LMAN1: variants seen among roughly 807,000 people sequenced by gnomAD.
LMAN1 encodes the protein lectin, mannose binding 1.
Under a neutral mutation model 67.8 loss-of-function variants are expected in LMAN1, and 32 were observed. That is an observed-to-expected ratio of 0.47 (90% CI 0.36 to 0.63). The LOEUF (loss-of-function observed/expected upper bound fraction) is 0.63. LMAN1 is among the 30% of genes least tolerant of loss of function. The pLI, the probability that LMAN1 is intolerant of heterozygous loss-of-function variation, is 0.00. For missense variants in LMAN1, 632 were observed against 628.2 expected (o/e 1.01, Z -0.06); for synonymous variants, 235 against 219.3 (o/e 1.07, Z -0.63).
intron 11 of LMAN1, 26 bp from the exon 12 acceptor site, chr18:59,331,565 C>G (rs199624983): frequency 6.9e-5 from 111 of 1,610,912 alleles, no homozygotes; most frequent in Non-Finnish European, 8.4e-5. Context: ...CTTTCTATTA[C>G]AGTTAGTCAA....
At chr18:59,352,918 T>TCTAC (rs1186438071) in intron 5 of LMAN1, 3 of 363,046 alleles carry the variant, frequency 8.3e-6, no homozygotes, top group Non-Finnish European at 1.6e-5. Context: ...TATCTATCTA[T>TCTAC]CTACCTATCT....
At chr18:59,351,072 A>C (rs751388373) in intron 5 of LMAN1, among the ~76,000 whole-genome samples, 3 of 152,198 alleles carry the variant, frequency 2.0e-5, no homozygotes, top group Non-Finnish European at 2.9e-5. Flanking sequence ...TCCAATGTGG[A>C]AACAACTGGG....
rs1010921896 is a variant in LMAN1, at chr18:59,331,099, G to T, written c.1527C>A (p.Phe509Leu). 6.8e-6 allele frequency: 11 copies of T among 1,610,988 alleles called. No individual in the cohort carries two copies. The highest frequency in any genetic ancestry group is 9.3e-6 in the Non-Finnish European group (11 of 1,177,698). The change falls in exon 13 of 13, where the codon TTC becomes TTA. Residue 509 changes from phenylalanine to leucine, a missense_variant. Coordinates refer to ENST00000251047, the MANE Select transcript of LMAN1 (RefSeq NM_005570.4). ...GTACACAGGAAAATGGTAGTCAAAAGAATTTTTTGGCAGCTGCTTCTTGCT... is the reference window on the plus strand; with the variant it reads ...GTACACAGGAAAATGGTAGTCAAAATAATTTTTTGGCAGCTGCTTCTTGCT... ...RSQQEAAAKK[F>L]F
intron 8 of LMAN1, among the ~76,000 whole-genome samples, chr18:59,340,121 AG>A (rs1428939404): frequency 6.6e-6 from 1 of 152,154 alleles, no homozygotes; most frequent in Non-Finnish European, 1.5e-5. Flanking sequence ...CCCAGGCACA[AG>A]GCACAATTTT....
chr18:59,347,064 A>G lies in LMAN1; in HGVS notation c.822+449T>C, dbSNP rs139320983. Among the ~76,000 whole-genome samples, 123 of 152,006 alleles carry G rather than the reference A, an allele frequency of 8.1e-4. 1 individual carries two copies. Among genetic ancestry groups the G allele is most frequent in the African/African-American group, 2.9e-3 (119 of 41,520 alleles). On this transcript the variant is annotated intron_variant, in intron 7 of 12. Transcript: ENST00000251047. ...GCTAACATGGTGAAACCCCGTCTCT[A>G]GCAAAAAATACAAGAAATTAGCCGG...
rs1217992455 is a variant in LMAN1, at chr18:59,330,208, A to C, written c.*885T>G. On this transcript the variant is annotated 3_prime_UTR_variant, in exon 13 of 13. Transcript: ENST00000251047. ...CTAATGTAAACCAGAATGTAGTGGCAGGTTTTGTGAATTTAAATCCTCAGA... is the reference window on the plus strand; with the variant it reads ...CTAATGTAAACCAGAATGTAGTGGCCGGTTTTGTGAATTTAAATCCTCAGA... 6.6e-6 allele frequency: 1 copy of C among 152,642 alleles called. No individual in the cohort carries two copies. The highest frequency in any genetic ancestry group is 1.5e-5 in the Non-Finnish European group (1 of 68,032). 9.5% of individuals were successfully genotyped at this position (152,642 alleles called of 1,614,324 possible).
rs1016860453 is a variant in LMAN1, at chr18:59,359,020, C to G, written c.214+11G>C. 1.2e-6 allele frequency: 2 copies of G among 1,613,194 alleles called. No individual in the cohort carries two copies. The highest frequency in any genetic ancestry group is 1.3e-5 in the African/African-American group (1 of 74,902). Reference sequence around the variant, plus strand: ...GAGGAACCCGGCCCCCAGCCCTCTGCTCCGGCTTACTCCCCGCGTGGGCCC... The same window carrying G: ...GAGGAACCCGGCCCCCAGCCCTCTGGTCCGGCTTACTCCCCGCGTGGGCCC... On this transcript the variant is annotated intron_variant, in intron 1 of 12. Transcript: ENST00000251047.
intron 7 of LMAN1, among the ~76,000 whole-genome samples, chr18:59,347,092 G>A (rs1292532476): frequency 6.6e-6 from 1 of 151,772 alleles, no homozygotes; most frequent in Non-Finnish European, 1.5e-5. Flanking sequence ...TTAGCCGGGT[G>A]TGGTGGCGGA....
intron 1 of LMAN1, among the ~76,000 whole-genome samples, chr18:59,357,365 G>C (rs987523500): frequency 1.3e-5 from 2 of 152,200 alleles, no homozygotes; most frequent in African/African-American, 4.8e-5. Flanking sequence ...GTATGTGAGT[G>C]TGAGAAAAAG....
chr18:59,355,760 G>A, intron 1 of LMAN1, 102 bp from the exon 2 acceptor site: 3 of 1,303,778 alleles, frequency 2.3e-6, no homozygotes, highest in African/African-American at 2.9e-5. Context: ...TTAGTAACCT[G>A]TACAATAATG....
At chr18:59,348,930 C>T (rs1163472339) in intron 6 of LMAN1, among the ~76,000 whole-genome samples, 183 bp downstream of exon 6, 1 of 152,124 alleles carries the variant, frequency 6.6e-6, no homozygotes, top group Non-Finnish European at 1.5e-5. Context: ...GTACACCTAC[C>T]GAACAATGTA....
At chr18:59,350,472 T>A (rs1027734410) in intron 5 of LMAN1, among the ~76,000 whole-genome samples, 1 of 152,166 alleles carries the variant, frequency 6.6e-6, no homozygotes, top group Admixed American at 6.5e-5. Flanking sequence ...TGAGTCTTCA[T>A]TGTCTAGTTC....
intron 8 of LMAN1, among the ~76,000 whole-genome samples, chr18:59,342,700 AG>A (rs1184745345): frequency 6.6e-6 from 1 of 152,104 alleles, no homozygotes; most frequent in Non-Finnish European, 1.5e-5. Flanking sequence ...CACACTTAAC[AG>A]GGAAAAGTTG....
Position 59,353,656 on chromosome 18 carries a change from GTCACCTT to G in LMAN1, c.540-362_540-356del, listed in dbSNP as rs200999504. Among the ~76,000 whole-genome samples, 124 of 152,294 alleles carry G rather than the reference GTCACCTT, an allele frequency of 8.1e-4. 1 individual carries two copies. Among genetic ancestry groups the G allele is most frequent in the African/African-American group, 2.9e-3 (119 of 41,564 alleles). ...AAACAGTAAACAGGCACATGGATAAGTCACCTTTCTTACAGTTCACTGGTTAAAAGCT... is the reference window on the plus strand; with the variant it reads ...AAACAGTAAACAGGCACATGGATAAGTCTTACAGTTCACTGGTTAAAAGCT... On this transcript the variant is annotated intron_variant, in intron 4 of 12. Transcript: ENST00000251047.
At chr18:59,341,257 T>C (rs552932557) in intron 8 of LMAN1, among the ~76,000 whole-genome samples, 11 of 152,168 alleles carry the variant, frequency 7.2e-5, no homozygotes, top group Middle Eastern at 3.4e-3. Flanking sequence ...AATACAATAA[T>C]AGTGGGAGAA....
intron 4 of LMAN1, among the ~76,000 whole-genome samples, chr18:59,353,720 A>C (rs1908596671): frequency 6.6e-6 from 1 of 152,228 alleles, no homozygotes; most frequent in South Asian, 2.1e-4. Flanking sequence ...TGAAAATAAA[A>C]AATGTACATA....
chr18:59,328,300 T>A lies in LMAN1; in HGVS notation c.*2793A>T, dbSNP rs2070725539. On this transcript the variant is annotated 3_prime_UTR_variant, in exon 13 of 13. Transcript: ENST00000251047. ...CACAATCAGGAAGGCAAAGAAGCTT[T>A]AGCAGGCAGGCTTGAAGATGGGAGT... 1 of 152,208 alleles carries A rather than the reference T, an allele frequency of 6.6e-6. No individual in the cohort carries two copies. The highest frequency in any genetic ancestry group is 1.5e-5 in the Non-Finnish European group (1 of 68,030). The allele number at this position is 152,208 out of a possible 1,614,324, so 9.4% of individuals were successfully genotyped here.
intron 9 of LMAN1, 62 bp from the exon 10 acceptor site, chr18:59,338,689 G>A: frequency 6.2e-7 from 1 of 1,601,734 alleles, no homozygotes; most frequent in East Asian, 2.2e-5. Flanking sequence ...ACATAGTACA[G>A]TTGCCCTTCT....
intron 5 of LMAN1, chr18:59,352,780 C>T (rs1040906824): frequency 4.1e-5 from 9 of 221,014 alleles, no homozygotes; most frequent in African/African-American, 1.1e-4. Flanking sequence ...GTGTCTGCAA[C>T]GCAGCATTTA....
Sources: allele counts gnomAD v4.1 joint callset (sites outside exome capture counted in the v4.1 genomes callset), GRCh38; gene constraint gnomAD v4.1.1; transcripts MANE v1.5; gene names NCBI Gene and HGNC (gene_info 2026-07-23, HGNC 2026-07-21).